PIK3CB: variants seen among roughly 807,000 people sequenced by gnomAD.
PIK3CB encodes the protein phosphatidylinositol-4,5-bisphosphate 3-kinase catalytic subunit beta, also known as phosphatidylinositol 4,5-bisphosphate 3-kinase catalytic subunit beta isoform.
Under a neutral mutation model 136.8 loss-of-function variants are expected in PIK3CB, and 39 were observed. The observed-to-expected ratio is 0.29, with a 90% CI of 0.22 to 0.37. The LOEUF (loss-of-function observed/expected upper bound fraction) is 0.37, where lower values mean the gene tolerates loss of function less well. Ranked by LOEUF, PIK3CB falls within the 10% of genes least tolerant of loss-of-function variation. The pLI is 1.00. For synonymous variants in PIK3CB, 428 were observed against 436.6 expected (o/e 0.98, Z 0.25); for missense variants, 868 against 1,275.4 (o/e 0.68, Z 4.87).
intron 2 of PIK3CB, among the ~76,000 whole-genome samples, chr3:138,764,506 T>TA (rs1391751900): frequency 6.6e-6 from 1 of 152,152 alleles, no homozygotes; most frequent in Non-Finnish European, 1.5e-5. Context: ...AGCTCACACC[T>TA]ATAATCCTAG....
intron 1 of PIK3CB, among the ~76,000 whole-genome samples, chr3:138,824,892 C>CAA (rs57342129): frequency 1.4e-4 from 9 of 62,352 alleles, no homozygotes; most frequent in South Asian, 1.0e-3. Context: ...TACAAAATAC[C>CAA]AAAAAAAAAA....
At chr3:138,690,895 G>A (rs1358816214) in intron 15 of PIK3CB, 105 bp downstream of exon 15, 6 of 829,748 alleles carry the variant, frequency 7.2e-6, no homozygotes, top group Admixed American at 4.8e-5. Flanking sequence ...TGTTATAAAC[G>A]GTTCAGAAAA....
At chr3:138,771,621 T>C (rs962567075) in intron 2 of PIK3CB, among the ~76,000 whole-genome samples, 8 of 152,224 alleles carry the variant, frequency 5.3e-5, no homozygotes, top group Non-Finnish European at 8.8e-5. Flanking sequence ...AGAATTGCTA[T>C]AACATTATAT....
chr3:138,669,470 A>G (rs549350944), intron 19 of PIK3CB, among the ~76,000 whole-genome samples: 173 of 150,926 alleles, frequency 1.1e-3, no homozygotes, highest in Non-Finnish European at 1.8e-3. Context: ...TGTAATTCAG[A>G]TATGAAGTCT....
At chr3:138,763,121 A>AGTATGTACGTATGTATGTAT (rs1553737689) in intron 2 of PIK3CB, among the ~76,000 whole-genome samples, 1 of 149,534 alleles carries the variant, frequency 6.7e-6, no homozygotes. Flanking sequence ...AATGAAAGTT[A>AGTATGTACGTATGTATGTAT]GTATGTATGT....
intron 2 of PIK3CB, among the ~76,000 whole-genome samples, chr3:138,784,152 A>T (rs2045948941): frequency 6.6e-6 from 1 of 152,124 alleles, no homozygotes. Context: ...AACACTTTGG[A>T]AGACAAGTGG....
chr3:138,741,093 G>T (rs570264039), intron 5 of PIK3CB, among the ~76,000 whole-genome samples: 32 of 152,272 alleles, frequency 2.1e-4, no homozygotes, highest in Admixed American at 7.2e-4. Flanking sequence ...TAGACTCAAC[G>T]TATCTCAGGA....
chr3:138,781,301 A>T (rs2045920687), intron 2 of PIK3CB, among the ~76,000 whole-genome samples: 2 of 151,790 alleles, frequency 1.3e-5, no homozygotes, highest in South Asian at 4.1e-4. Flanking sequence ...CAAAAAAAAA[A>T]AAAACAACAA....
At position 138,714,514 on chromosome 3, in the gene PIK3CB, G is replaced by A. The variant is rs752510116; in HGVS notation, c.1256C>T (p.Thr419Ile). 6.2e-7 allele frequency: 1 copy of A among 1,611,596 alleles called. No homozygotes were observed. Among genetic ancestry groups the A allele is most frequent in the Non-Finnish European group, 8.5e-7 (1 of 1,177,808 alleles). ...DKVKTKKSTK[T>I]INPSKYQTIR... is the part of the protein sequence containing the mutation. ...GGTCTGATATTTAGAGGGATTAATA[G>A]TTTTCGTTGATTTCTTCGTTTTTAC... Residue 419 changes from threonine to isoleucine, a missense_variant, in exon 9 of 24, where the codon ACT (threonine) becomes ATT (isoleucine). This residue lies in a region of PIK3CB where 612 missense variants were observed against 801.1 expected (regional missense o/e 0.76). Coordinates refer to ENST00000674063, the MANE Select transcript of PIK3CB (RefSeq NM_006219.3).
chr3:138,777,709 C>G (rs955275858), intron 2 of PIK3CB: 6 of 153,982 alleles, frequency 3.9e-5, no homozygotes. Flanking sequence ...AATGAAATCA[C>G]GCAATTACTA....
chr3:138,817,113 C>A (rs1453912654), intron 1 of PIK3CB, among the ~76,000 whole-genome samples: 3 of 150,550 alleles, frequency 2.0e-5, no homozygotes, highest in Non-Finnish European at 4.4e-5. Context: ...CCGAGGCGGG[C>A]GGATCACGAG....
At chr3:138,749,558 G>A (rs1345420270) in intron 4 of PIK3CB, among the ~76,000 whole-genome samples, 1 of 152,160 alleles carries the variant, frequency 6.6e-6, no homozygotes, top group African/African-American at 2.4e-5. Flanking sequence ...GGATGGCACT[G>A]TATGCTCTGC....
intron 16 of PIK3CB, among the ~76,000 whole-genome samples, chr3:138,688,506 A>T (rs1438031220): frequency 6.6e-6 from 1 of 151,264 alleles, no homozygotes; most frequent in Non-Finnish European, 1.5e-5. Context: ...GTCACAAAAA[A>T]AAAAAAAAAA....
rs756454370 is a variant in PIK3CB, at chr3:138,734,744, T to C, written c.862A>G (p.Lys288Glu). The change falls in exon 7 of 24, where the codon AAG becomes GAG. Residue 288 changes from lysine (K) to glutamate (E), a missense_variant. Around this residue, in one of 4 missense-constraint regions of PIK3CB, gnomAD observed 612 missense variants for 801.1 expected, o/e 0.76. Coordinates refer to ENST00000674063, the MANE Select transcript of PIK3CB (RefSeq NM_006219.3). ...LPHFILVECCKIKKMYEQEMI... is the reference protein window; with the variant it reads ...LPHFILVECCEIKKMYEQEMI... ...TCTTGTTCATACATTTTCTTGATCT[T>C]GCAGCATTCCACAAGTATAAAATGG... is the stretch of plus-strand genomic sequence containing the variant. The C allele has an allele frequency of 6.2e-7, 1 of 1,613,530 alleles. No homozygotes were observed.
In PIK3CB at chr3:138,828,552, C is replaced by A. The variant is rs1933889150; in HGVS notation, c.-122+6143G>T. Among the ~76,000 whole-genome samples the A allele has an allele frequency of 2.0e-5, 3 of 151,930 alleles. No homozygotes were observed. In the South Asian group the frequency reaches 6.2e-4, roughly 32 times the overall value. ...TACTCCAGGGAAGACAAGGTCCCTG[C>A]CATCATGAAGCTTATATTATATTGG... On this transcript the variant is annotated intron_variant, in intron 1 of 23. Coordinates refer to ENST00000674063, the MANE Select transcript of PIK3CB (RefSeq NM_006219.3).
chr3:138,787,000 C>T (rs953026415), intron 2 of PIK3CB, among the ~76,000 whole-genome samples: 3 of 152,164 alleles, frequency 2.0e-5, no homozygotes, highest in Non-Finnish European at 4.4e-5. Flanking sequence ...GTAAAAAGCA[C>T]ACCACATTAT....
intron 14 of PIK3CB, among the ~76,000 whole-genome samples, chr3:138,691,937 G>T (rs1289862493): frequency 1.3e-5 from 2 of 152,154 alleles, no homozygotes; most frequent in South Asian, 2.1e-4. Flanking sequence ...TGTTATTAGG[G>T]TTAAGTTGTC....
chr3:138,678,434 C>A (rs2043694689), intron 19 of PIK3CB, among the ~76,000 whole-genome samples: 1 of 151,688 alleles, frequency 6.6e-6, no homozygotes, highest in Non-Finnish European at 1.5e-5. Context: ...AAATTTAAAA[C>A]CCCTATCAAT....
At chr3:138,763,081 C>T (rs1559868718) in intron 2 of PIK3CB, among the ~76,000 whole-genome samples, 1 of 150,104 alleles carries the variant, frequency 6.7e-6, no homozygotes, top group Non-Finnish European at 1.5e-5. Context: ...CTATGTCTAA[C>T]CAAGAGCTGC....
Sources: gnomAD v4.1 joint callset for allele counts (sites outside exome capture counted in the v4.1 genomes callset) on GRCh38, gnomAD v4.1.1 for gene constraint, gnomAD v4.1.1 regional missense constraint, MANE v1.5 for transcripts, NCBI Gene and HGNC (gene_info 2026-07-23, HGNC 2026-07-21) for gene names.